KAZALD1: variants seen among roughly 807,000 people sequenced by gnomAD.
KAZALD1 encodes the protein kazal-type serine protease inhibitor domain-containing protein 1.
In KAZALD1, 31 loss-of-function variants were observed where a neutral mutation model predicts 27.7. The observed-to-expected ratio is 1.12, with a 90% CI of 0.84 to 1.51. The LOEUF (loss-of-function observed/expected upper bound fraction) is 1.51. KAZALD1 is among the 40% of genes most tolerant of loss of function. The pLI is 0.00. For missense variants in KAZALD1, 444 were observed against 408.9 expected (o/e 1.09, Z -0.74); for synonymous variants, 179 against 182.0 (o/e 0.98, Z 0.13).
downstream of KAZALD1, chr10:101,067,859 A>C (rs1056856315): frequency 8.6e-6 from 4 of 466,512 alleles, no homozygotes; most frequent in African/African-American, 8.0e-5. Flanking sequence ...AAGACTGCAG[A>C]CCTTGGGGAC....
chr10:101,064,346 C>T lies in KAZALD1; in HGVS notation c.597C>T (p.Pro199=). 6.2e-7 allele frequency: 1 copy of T among 1,614,196 alleles called. No individual in the cohort carries two copies. The highest frequency in any genetic ancestry group is 1.1e-5 in the South Asian group (1 of 91,082). Reference sequence around the variant, plus strand: ...TTGGCTGTGAAGTGTTTGCCTACCCCATGGCCTCCATCGAGTGGAGGAAGG... The same window carrying T: ...TTGGCTGTGAAGTGTTTGCCTACCCTATGGCCTCCATCGAGTGGAGGAAGG... ...VIFGCEVFAY[P]MASIEWRKDG... Residue 199 remains proline, a synonymous_variant, in exon 3 of 5, where the codon CCC becomes CCT. Transcript: ENST00000370200.
intron 1 of KAZALD1, 105 bp downstream of exon 1, chr10:101,062,220 G>A: frequency 3.6e-6 from 1 of 274,884 alleles, no homozygotes; most frequent in Non-Finnish European, 6.9e-6. Flanking sequence ...TTCTCTTTGG[G>A]CAAGGATGCT....
chr10:101,066,215 C>G lies in KAZALD1; in HGVS notation c.*1295C>G. 2.9e-6 allele frequency: 1 copy of G among 348,224 alleles called. No individual in the cohort carries two copies. The highest frequency in any genetic ancestry group is 5.8e-6 in the Non-Finnish European group (1 of 173,128). 21.6% of individuals were successfully genotyped at this position (348,224 alleles called of 1,614,324 possible). On this transcript the variant is annotated 3_prime_UTR_variant, in exon 5 of 5. Transcript: ENST00000370200. Reference sequence around the variant, plus strand: ...GTGTAGATGGCGACAGCCTCCTACACGCCAGGGCTCCACCCGGATCCTGGC... The same window carrying G: ...GTGTAGATGGCGACAGCCTCCTACAGGCCAGGGCTCCACCCGGATCCTGGC...
chr10:101,063,000 G>C lies in KAZALD1; in HGVS notation c.408G>C (p.Gly136=). ...CACRSQSPLC[G]SDGHTYSQIC... ...GTCGTTCGCAGAGTCCGCTCTGCGG[G>C]TCCGACGGTCACACCTACTCCCAGA... The change falls in exon 2 of 5, where the codon GGG becomes GGC. Residue 136 remains glycine, a synonymous_variant. Transcript: ENST00000370200. 6.2e-7 allele frequency: 1 copy of C among 1,600,432 alleles called. No homozygotes were observed. Among genetic ancestry groups the C allele is most frequent in the Non-Finnish European group, 8.5e-7 (1 of 1,179,130 alleles).
rs79898076 is a variant in KAZALD1, at chr10:101,063,810, G to A, written c.512-451G>A. ...CTGCCTTGCCGCAGGACTCCCCCAG[G>A]GGGTACTGAGGAGGGAACGGCTGCT... On this transcript the variant is annotated intron_variant, in intron 2 of 4. Coordinates refer to ENST00000370200, the MANE Select transcript of KAZALD1 (RefSeq NM_030929.5). Among the ~76,000 whole-genome samples the A allele has an allele frequency of 7.5e-3, 1,146 of 152,344 alleles. 37 individuals are homozygous for A. The highest frequency in any genetic ancestry group is 0.054 in the Admixed American group (820 of 15,302).
downstream of KAZALD1, chr10:101,067,064 AT>A (rs1939341750): frequency 2.9e-6 from 1 of 347,046 alleles, no homozygotes; most frequent in Non-Finnish European, 5.7e-6. Context: ...GCCGAGGATT[AT>A]TCACCGCAAA....
chr10:101,066,256 C>T lies in KAZALD1; in HGVS notation c.*1336C>T, dbSNP rs781498529. 4 of 375,088 alleles carry T rather than the reference C, an allele frequency of 1.1e-5. No individual in the cohort carries two copies. The highest frequency in any genetic ancestry group is 2.2e-5 in the Non-Finnish European group (4 of 182,500). The allele number at this position is 375,088 out of a possible 1,614,324, so 23.2% of individuals were successfully genotyped here. A position where few individuals can be genotyped will look rare whatever the true frequency, so the allele number is the denominator to read the frequency against. ...GGATCCTGGCGCCACTGCGGGAGGG[C>T]CTGCCCTTGGCTCAGCGTCAGAGTT... On this transcript the variant is annotated 3_prime_UTR_variant, in exon 5 of 5. Transcript: ENST00000370200.
At chr10:101,067,167 G>A, downstream of KAZALD1, 1 of 427,912 alleles carries the variant, frequency 2.3e-6, no homozygotes, top group Non-Finnish European at 4.8e-6. Flanking sequence ...GGGAGGAGGA[G>A]GGGGAGGCTG....
In KAZALD1 at chr10:101,064,611, A is replaced by G; in HGVS notation, c.783A>G (p.Gln261=). 6.2e-7 allele frequency: 1 copy of G among 1,613,876 alleles called. No individual in the cohort carries two copies. The highest frequency in any genetic ancestry group is 8.5e-7 in the Non-Finnish European group (1 of 1,180,012). The part of the protein sequence containing the change: ...YRCLGRNALG[Q]VEAPASLTVL... ...GCCTTGGCCGCAATGCCCTGGGTCA[A>G]GTGGAGGCCCCTGCTAGCTTGACAG... Residue 261 remains glutamine (Q), a synonymous_variant, in exon 4 of 5, where the codon CAA becomes CAG. Coordinates refer to ENST00000370200, the MANE Select transcript of KAZALD1 (RefSeq NM_030929.5).
rs539774237 is a variant in KAZALD1 at position 101,065,111 on chromosome 10, A to T, written c.*191A>T. The T allele has an allele frequency of 6.8e-6, 4 of 586,446 alleles. No individual in the cohort carries two copies. The highest frequency in any genetic ancestry group is 5.7e-5 in the East Asian group (2 of 34,840). The allele number at this position is 586,446 out of a possible 1,614,324, so 36.3% of individuals were successfully genotyped here. On this transcript the variant is annotated 3_prime_UTR_variant, in exon 5 of 5. Transcript: ENST00000370200. ...ATAGAGACAAAAGCTGGAGGAGGGT[A>T]GGGAGAGAAGCTGAGACCAGGACCG...
downstream of KAZALD1, chr10:101,067,938 C>T: frequency 2.1e-6 from 1 of 471,620 alleles, no homozygotes; most frequent in Non-Finnish European, 4.4e-6. Context: ...GGGGAAGCGC[C>T]TGGGGAACAC....
At position 101,064,838 on chromosome 10, in the gene KAZALD1, C is replaced by T. The variant is rs1001109941; in HGVS notation, c.833C>T (p.Ser278Phe). 3.7e-6 allele frequency: 6 copies of T among 1,614,040 alleles called. No homozygotes were observed. The African/African-American group carries it at 5.3e-5, about 14-fold the overall frequency. ...LTVLTPDQLN[S>F]TGIPQLRSLN... ...TGTGTGTTTGCAGACCAGCTGAACT[C>T]TACAGGCATCCCCCAGCTGCGATCA... Residue 278 changes from serine (S) to phenylalanine (F), a missense_variant, in exon 5 of 5, where the codon TCT (serine) becomes TTT (phenylalanine). Coordinates refer to ENST00000370200, the MANE Select transcript of KAZALD1 (RefSeq NM_030929.5).
At position 101,065,087 on chromosome 10, in the gene KAZALD1, T is replaced by C. The variant is rs1939286459; in HGVS notation, c.*167T>C. On this transcript the variant is annotated 3_prime_UTR_variant, in exon 5 of 5. Coordinates refer to ENST00000370200, the MANE Select transcript of KAZALD1 (RefSeq NM_030929.5). ...ACTCCAAGGTAGCAGTGTGGTAGGA[T>C]AGAGACAAAAGCTGGAGGAGGGTAG... is the stretch of plus-strand genomic sequence containing the variant. 3.3e-6 allele frequency: 2 copies of C among 609,006 alleles called. No homozygotes were observed. Among genetic ancestry groups the C allele is most frequent in the South Asian group, 1.9e-5 (1 of 51,736 alleles). 37.7% of individuals were successfully genotyped at this position (609,006 alleles called of 1,614,324 possible).
chr10:101,066,389 C>T lies in KAZALD1; in HGVS notation c.*1469C>T. 2.2e-6 allele frequency: 1 copy of T among 456,766 alleles called. No individual in the cohort carries two copies. The highest frequency in any genetic ancestry group is 1.5e-5 in the South Asian group (1 of 64,568). 28.3% of individuals were successfully genotyped at this position (456,766 alleles called of 1,614,324 possible). ...GCCCCTCCCGCGGCTACGCACTACTCCATCTACTGCTGGCTTGCCCCGGGT... is the reference window on the plus strand; with the variant it reads ...GCCCCTCCCGCGGCTACGCACTACTTCATCTACTGCTGGCTTGCCCCGGGT... On this transcript the variant is annotated 3_prime_UTR_variant, in exon 5 of 5. Coordinates refer to ENST00000370200, the MANE Select transcript of KAZALD1 (RefSeq NM_030929.5).
downstream of KAZALD1, chr10:101,067,490 CG>C: frequency 2.7e-6 from 1 of 364,460 alleles, no homozygotes; most frequent in East Asian, 7.4e-5. Flanking sequence ...AGGTCTCGGC[CG>C]GGCTCTTCTC....
At chr10:101,063,386 C>T (rs1178733335) in intron 2 of KAZALD1, among the ~76,000 whole-genome samples, 1 of 152,180 alleles carries the variant, frequency 6.6e-6, no homozygotes, top group Non-Finnish European at 1.5e-5. Flanking sequence ...AGAGACAGGT[C>T]CTCTGAGGGC....
At chr10:101,067,152 G>A (rs971798878), downstream of KAZALD1, 2 of 405,104 alleles carry the variant, frequency 4.9e-6, no homozygotes, top group African/African-American at 4.2e-5. Context: ...GGGGAGGGAG[G>A]GGGAGGGAGG....
chr10:101,064,731 T>G (rs1168103894), intron 4 of KAZALD1, 83 bp downstream of exon 4: 7 of 1,604,670 alleles, frequency 4.4e-6, no homozygotes, highest in African/African-American at 4.0e-5. Context: ...ACCATGTGTC[T>G]GTATACACAA....
In KAZALD1 at chr10:101,066,714, C is replaced by A; in HGVS notation, c.*1794C>A. 5.7e-6 allele frequency: 2 copies of A among 352,718 alleles called. No homozygotes were observed. The highest frequency in any genetic ancestry group is 1.1e-5 in the Non-Finnish European group (2 of 177,548). The allele number at this position is 352,718 out of a possible 1,614,324, so 21.8% of individuals were successfully genotyped here. ...CCCTCTGCGGGCCCATAGCTCCTAC[C>A]GCGTCCACCTGCAGAGCAGAGGCTC... On this transcript the variant is annotated 3_prime_UTR_variant, in exon 5 of 5. Coordinates refer to ENST00000370200, the MANE Select transcript of KAZALD1 (RefSeq NM_030929.5).
Sources: gnomAD v4.1 joint callset for allele counts (sites outside exome capture counted in the v4.1 genomes callset) on GRCh38, gnomAD v4.1.1 for gene constraint, MANE v1.5 for transcripts, NCBI Gene and HGNC (gene_info 2026-07-23, HGNC 2026-07-21) for gene names.